MSRA: variants seen among roughly 807,000 people sequenced by gnomAD.
MSRA encodes the protein mitochondrial peptide methionine sulfoxide reductase.
A neutral mutation model predicts 31.3 loss-of-function variants in MSRA; 54 were observed. That is an observed-to-expected ratio of 1.73 (90% confidence interval 1.39 to 2.17). The LOEUF (loss-of-function observed/expected upper bound fraction) is 2.17, where lower values mean the gene tolerates loss of function less well. MSRA is among the 30% of genes most tolerant of loss of function. The pLI is 0.00. For missense variants in MSRA, 507 were observed against 300.9 expected (o/e 1.69, Z -5.07); for synonymous variants, 169 against 116.5 (o/e 1.45, Z -2.90).
chr8:10,224,588 C>T (rs1415111825), intron 2 of MSRA, among the ~76,000 whole-genome samples: 1 of 152,118 alleles, frequency 6.6e-6, no homozygotes, highest in African/African-American at 2.4e-5. Context: ...GGGGCTGGAC[C>T]AGGTGGTAGT....
intron 3 of MSRA, among the ~76,000 whole-genome samples, chr8:10,279,708 G>C (rs1461702896): frequency 6.6e-6 from 1 of 152,188 alleles, no homozygotes; most frequent in Non-Finnish European, 1.5e-5. Flanking sequence ...AAGATATTTT[G>C]TGAGCTATTG....
At chr8:10,232,515 T>C (rs1262475519) in intron 2 of MSRA, among the ~76,000 whole-genome samples, 1 of 152,206 alleles carries the variant, frequency 6.6e-6, no homozygotes, top group Admixed American at 6.5e-5. Context: ...GTGGTCGGCC[T>C]CTTAGGTATT....
intron 5 of MSRA, among the ~76,000 whole-genome samples, chr8:10,366,567 G>A (rs1482800420): frequency 2.0e-5 from 3 of 152,232 alleles, no homozygotes; most frequent in South Asian, 2.1e-4. Flanking sequence ...TTTTGGTCTG[G>A]TTTGGTTTTT....
chr8:10,126,214 G>A (rs1444054392), intron 1 of MSRA, among the ~76,000 whole-genome samples: 1 of 152,206 alleles, frequency 6.6e-6, no homozygotes, highest in Non-Finnish European at 1.5e-5. Context: ...GTTGAAGCCA[G>A]ACAACGTGAA....
At position 10,198,409 on chromosome 8, in the gene MSRA, T is replaced by C. The variant is rs557220218; in HGVS notation, c.143-9424T>C. Among the ~76,000 whole-genome samples, 3 of 152,284 alleles carry C rather than the reference T, an allele frequency of 2.0e-5. No homozygotes were observed. The South Asian group carries it at 6.2e-4, about 32-fold the overall frequency. On this transcript the variant is annotated intron_variant, in intron 1 of 5. Transcript: ENST00000317173. ...AGGAAAAAAGTACTCATGGTCATAC[T>C]TTAAAAGTTACCATATAATACTGTA... is the stretch of plus-strand genomic sequence containing the variant.
intron 1 of MSRA, among the ~76,000 whole-genome samples, chr8:10,061,027 C>T (rs1302361890): frequency 6.6e-6 from 1 of 152,096 alleles, no homozygotes; most frequent in Admixed American, 6.5e-5. Context: ...TTGTTATTTC[C>T]CCTCTTTGCA....
At chr8:10,290,546 G>T (rs1009153687) in intron 3 of MSRA, among the ~76,000 whole-genome samples, 47 of 152,172 alleles carry the variant, frequency 3.1e-4, no homozygotes, top group African/African-American at 1.1e-3. Context: ...AGCACCCATG[G>T]GGCTTTGTGA....
intron 3 of MSRA, among the ~76,000 whole-genome samples, chr8:10,255,003 C>T (rs550384194): frequency 1.3e-5 from 2 of 152,318 alleles, no homozygotes; most frequent in East Asian, 1.9e-4. Flanking sequence ...ACAATCTTTT[C>T]TTCAGGCAAA....
intron 1 of MSRA, among the ~76,000 whole-genome samples, chr8:10,170,600 T>C (rs953002666): frequency 3.9e-5 from 6 of 152,192 alleles, no homozygotes; most frequent in Non-Finnish European, 8.8e-5. Flanking sequence ...GTATCAACCA[T>C]TTGCAAAGCA....
At chr8:10,264,295 T>C (rs1798630829) in intron 3 of MSRA, among the ~76,000 whole-genome samples, 1 of 152,238 alleles carries the variant, frequency 6.6e-6, no homozygotes, top group Non-Finnish European at 1.5e-5. Flanking sequence ...ATGTAGCATT[T>C]AACCTCCTAT....
At chr8:10,383,267 G>C (rs1806187447) in intron 5 of MSRA, among the ~76,000 whole-genome samples, 1 of 152,228 alleles carries the variant, frequency 6.6e-6, no homozygotes, top group African/African-American at 2.4e-5. Context: ...GTGGTGGCAG[G>C]AGAGGACTTT....
At chr8:10,269,235 A>G (rs1329856271) in intron 3 of MSRA, among the ~76,000 whole-genome samples, 2 of 152,242 alleles carry the variant, frequency 1.3e-5, no homozygotes, top group Non-Finnish European at 2.9e-5. Flanking sequence ...GATACCACAG[A>G]GTGAGCCATT....
chr8:10,164,263 T>C (rs1332390868), intron 1 of MSRA, among the ~76,000 whole-genome samples: 1 of 152,220 alleles, frequency 6.6e-6, no homozygotes, highest in Non-Finnish European at 1.5e-5. Flanking sequence ...CCTGACCTCA[T>C]TTCTTGATTA....
At chr8:10,117,913 T>G (rs977722350) in intron 1 of MSRA, among the ~76,000 whole-genome samples, 3 of 152,182 alleles carry the variant, frequency 2.0e-5, no homozygotes, top group African/African-American at 4.8e-5. Context: ...TCAACACAAA[T>G]GTAACCTTTC....
chr8:10,365,142 CAAAAAAA>C (rs1171189760), intron 5 of MSRA, among the ~76,000 whole-genome samples: 20 of 61,282 alleles, frequency 3.3e-4, no homozygotes, highest in Non-Finnish European at 6.2e-4. Context: ...GTGAAGCAAC[CAAAAAAA>C]AAAAAAAAAA....
intron 2 of MSRA, among the ~76,000 whole-genome samples, chr8:10,236,537 C>G (rs1033742558): frequency 2.0e-5 from 3 of 152,070 alleles, no homozygotes; most frequent in African/African-American, 7.2e-5. Context: ...ATATGTAATA[C>G]AAATATTTAA....
intron 3 of MSRA, among the ~76,000 whole-genome samples, chr8:10,260,656 C>A (rs1445192593): frequency 6.6e-6 from 1 of 152,050 alleles, no homozygotes; most frequent in African/African-American, 2.4e-5. Flanking sequence ...ACACAGGTGC[C>A]CCTGATGTGA....
At chr8:10,199,247 C>T (rs1808273806) in intron 1 of MSRA, among the ~76,000 whole-genome samples, 1 of 152,180 alleles carries the variant, frequency 6.6e-6, no homozygotes, top group African/African-American at 2.4e-5. Flanking sequence ...CCCAGACAGT[C>T]TGCAGTCTCA....
At chr8:10,175,746 A>G (rs1805992222) in intron 1 of MSRA, among the ~76,000 whole-genome samples, 1 of 152,222 alleles carries the variant, frequency 6.6e-6, no homozygotes, top group Non-Finnish European at 1.5e-5. Context: ...ATAGGTAATC[A>G]TTGTCACGGA....
Sources: allele counts gnomAD v4.1 joint callset (sites outside exome capture counted in the v4.1 genomes callset), GRCh38; gene constraint gnomAD v4.1.1; transcripts MANE v1.5; gene names NCBI Gene and HGNC (gene_info 2026-07-23, HGNC 2026-07-21).